The following CDRT4 variants were observed in gnomAD, a reference collection of about 807,000 sequenced individuals.
CDRT4 encodes CMT1A duplicated region transcript 4 protein.
For synonymous variants in CDRT4, 64 were observed against 69.6 expected, an observed-to-expected ratio of 0.92 and a Z score of 0.40; for missense variants, 167 against 193.1, an observed-to-expected ratio of 0.87 and a Z score of 0.80.
Position 15,440,301 on chromosome 17 carries a change from C to T in CDRT4, c.-47-16G>A, listed in dbSNP as rs1390896487. ...GTTCAGATTCCTATGGGAAAATACA[C>T]TTGTTAGCCAGAGCCTCCTCAAACT... On this transcript the variant is annotated splice_polypyrimidine_tract_variant and intron_variant, in intron 2 of 3. Coordinates refer to ENST00000619038, the MANE Select transcript of CDRT4 (RefSeq NM_001204477.2). 5 of 1,608,336 alleles carry T rather than the reference C, an allele frequency of 3.1e-6. No individual in the cohort carries two copies. The South Asian group carries it at 4.4e-5, about 14-fold the overall frequency.
chr17:15,464,225 G>A lies in CDRT4; in HGVS notation c.-130+3235C>T, dbSNP rs116065025. ...TAGGGCCAGGGATGGGGATGGAGAT[G>A]CCAATGGGTAGATGTGGAGACCCCT... On this transcript the variant is annotated intron_variant, in intron 1 of 3. Transcript: ENST00000619038. This position sits in a 1 kb window ranked among gnomAD's most constrained non-coding sequence, Gnocchi z 4.5. Among the ~76,000 whole-genome samples, 1 of 152,112 alleles carries A rather than the reference G, an allele frequency of 6.6e-6. No homozygotes were observed. Among genetic ancestry groups the A allele is most frequent in the Non-Finnish European group, 1.5e-5 (1 of 68,030 alleles).
intron 3 of CDRT4, among the ~76,000 whole-genome samples, chr17:15,439,334 C>T (rs541616135): frequency 1.8e-4 from 27 of 152,068 alleles, no homozygotes; most frequent in African/African-American, 6.5e-4. Flanking sequence ...TAGTTATTCC[C>T]ACGCTGCCTC....
In CDRT4 at chr17:15,467,478, T is replaced by G. The variant is rs1362371742; in HGVS notation, c.-148A>C. ...CTGTTACCTGAGAAGTTTCTGTGATTCCCCATCCTTCCTGCACTATCTTGG... is the reference window on the plus strand; with the variant it reads ...CTGTTACCTGAGAAGTTTCTGTGATGCCCCATCCTTCCTGCACTATCTTGG... On this transcript the variant is annotated 5_prime_UTR_variant, in exon 1 of 4. Transcript: ENST00000619038. The G allele has an allele frequency of 6.6e-6, 1 of 152,268 alleles. No individual in the cohort carries two copies. Among genetic ancestry groups the G allele is most frequent in the African/African-American group, 2.4e-5 (1 of 41,398 alleles). The allele number at this position is 152,268 out of a possible 1,614,324, so 9.4% of individuals were successfully genotyped here.
intron 1 of CDRT4, among the ~76,000 whole-genome samples, chr17:15,454,878 T>C (rs140850352): frequency 2.8e-4 from 43 of 152,294 alleles, no homozygotes; most frequent in African/African-American, 9.9e-4. Flanking sequence ...CCATAGTATG[T>C]TATGATGATC....
At chr17:15,467,277 G>T (rs1425096091) in intron 1 of CDRT4, among the ~76,000 whole-genome samples, 183 bp downstream of exon 1, 2 of 152,186 alleles carry the variant, frequency 1.3e-5, no homozygotes, top group African/African-American at 2.4e-5. Flanking sequence ...TGAGGGGATT[G>T]GGTGACCAGG....
chr17:15,465,166 AACACACAG>A (rs1411356564), intron 1 of CDRT4, among the ~76,000 whole-genome samples: 2 of 131,860 alleles, frequency 1.5e-5, no homozygotes, highest in Admixed American at 1.5e-4. Context: ...CACACACACC[AACACACAG>A]ACACACAACA....
intron 2 of CDRT4, among the ~76,000 whole-genome samples, chr17:15,446,666 A>T (rs1979042337): frequency 6.6e-6 from 1 of 152,098 alleles, no homozygotes; most frequent in Admixed American, 6.5e-5. Flanking sequence ...ATGTTCTTAT[A>T]CAGACCGTGC....
chr17:15,444,092 G>T (rs1342751498), intron 2 of CDRT4: 2 of 1,212,482 alleles, frequency 1.6e-6, no homozygotes, highest in Admixed American at 1.8e-5. Context: ...CAGCGACTTT[G>T]ATTCAGCAAG....
At chr17:15,459,452 T>C (rs1478758748) in intron 1 of CDRT4, among the ~76,000 whole-genome samples, 4 of 143,018 alleles carry the variant, frequency 2.8e-5, no homozygotes, top group Non-Finnish European at 4.6e-5. Context: ...TTTTTTTTTT[T>C]TTTTTTTTGT....
intron 3 of CDRT4, among the ~76,000 whole-genome samples, chr17:15,438,658 T>C (rs1978616252): frequency 6.6e-6 from 1 of 152,212 alleles, no homozygotes; most frequent in African/African-American, 2.4e-5. Context: ...ACAAGTTTCT[T>C]AACCTTGCTA....
intron 2 of CDRT4, among the ~76,000 whole-genome samples, chr17:15,443,210 T>C (rs1978851132): frequency 1.3e-5 from 2 of 152,078 alleles, no homozygotes; most frequent in African/African-American, 4.8e-5. Context: ...ACCTCAGTTG[T>C]CACTTACAAA....
At chr17:15,467,201 T>A (rs1259579621) in intron 1 of CDRT4, among the ~76,000 whole-genome samples, 1 of 152,090 alleles carries the variant, frequency 6.6e-6, no homozygotes, top group Non-Finnish European at 1.5e-5. Flanking sequence ...ACAAAGTAAA[T>A]CAGAATCCTA....
At chr17:15,445,593 G>A (rs575748489) in intron 2 of CDRT4, among the ~76,000 whole-genome samples, 9 of 152,254 alleles carry the variant, frequency 5.9e-5, no homozygotes, top group Non-Finnish European at 1.3e-4. Context: ...CCTTGTTTTG[G>A]AATTGCAAGC....
intron 1 of CDRT4, among the ~76,000 whole-genome samples, chr17:15,454,908 T>G (rs116846789): frequency 0.014 from 2,150 of 152,304 alleles, 23 homozygotes; most frequent in Non-Finnish European, 0.021. Flanking sequence ...TAAGTAAAAG[T>G]ATTCCATGAT....
chr17:15,457,317 C>T (rs1019936235), intron 1 of CDRT4, among the ~76,000 whole-genome samples: 1 of 152,196 alleles, frequency 6.6e-6, no homozygotes, highest in Non-Finnish European at 1.5e-5. Flanking sequence ...AAAAACTCAG[C>T]TTGTTCTCAT....
chr17:15,462,752 G>C (rs1979814892), intron 1 of CDRT4, among the ~76,000 whole-genome samples: 1 of 152,146 alleles, frequency 6.6e-6, no homozygotes, highest in Non-Finnish European at 1.5e-5. Context: ...AATACATTTA[G>C]TGTAAAGCAA....
Position 15,449,818 on chromosome 17 carries a change from T to C in CDRT4, c.-48+3186A>G, listed in dbSNP as rs920796957. Among the ~76,000 whole-genome samples, 5 of 152,198 alleles carry C rather than the reference T, an allele frequency of 3.3e-5. No homozygotes were observed. The South Asian group carries it at 8.3e-4, about 25-fold the overall frequency. ...TAAGTGAGAACATGTGATATTTTAT[T>C]TTCTGCTTCTGGGTTAGTTTACTTA... On this transcript the variant is annotated intron_variant, in intron 2 of 3. Transcript: ENST00000619038.
chr17:15,442,229 G>A (rs1446157335), intron 2 of CDRT4, among the ~76,000 whole-genome samples: 1 of 152,064 alleles, frequency 6.6e-6, no homozygotes, highest in African/African-American at 2.4e-5. Flanking sequence ...TGGCTAACAT[G>A]GTGAAACCCT....
chr17:15,446,093 T>C (rs2150788778), intron 2 of CDRT4, among the ~76,000 whole-genome samples: 1 of 152,260 alleles, frequency 6.6e-6, no homozygotes, highest in African/African-American at 2.4e-5. Context: ...AAGATGCTCC[T>C]GAGCAAGGAT....
Sources: allele counts gnomAD v4.1 joint callset (sites outside exome capture counted in the v4.1 genomes callset), GRCh38; gene constraint gnomAD v4.1.1; non-coding constraint Gnocchi (gnomAD v3.1); transcripts MANE v1.5; gene names NCBI Gene and HGNC (gene_info 2026-07-23, HGNC 2026-07-21).